Variants in MLLT3 observed in about 807,000 individuals in gnomAD.
MLLT3 encodes protein AF-9.
MLLT3 carries 4 observed loss-of-function variants against 53.2 expected under a neutral mutation model. The ratio of observed to expected loss-of-function variants is 0.08; its 90% confidence interval spans 0.04 to 0.17. MLLT3 has a LOEUF of 0.17. Ranked by LOEUF, MLLT3 falls within the 10% of genes least tolerant of loss-of-function variation. The probability of loss-of-function intolerance (pLI) is 1.00; values close to 1 mark genes in which losing one functional copy is unlikely to be tolerated. For synonymous variants in MLLT3, 283 were observed against 230.6 expected, an observed-to-expected ratio of 1.23 and a Z score of -2.06; for missense variants, 569 against 684.0, an observed-to-expected ratio of 0.83 and a Z score of 1.87.
chr9:20,592,364 C>T (rs1463764948), intron 2 of MLLT3, among the ~76,000 whole-genome samples: 1 of 152,208 alleles, frequency 6.6e-6, no homozygotes, highest in African/African-American at 2.4e-5. Context: ...TCTGGAGGCT[C>T]TAAGTCCAAG....
In MLLT3 at chr9:20,345,878, T is replaced by G. The variant is rs1161949152; in HGVS notation, c.*565A>C. ...ACAGACTGCAACGAGTTAAAGGACT[T>G]GGAAAAAGTTGGTGGAAAGTGGCAC... On this transcript the variant is annotated 3_prime_UTR_variant, in exon 11 of 11. Transcript: ENST00000380338. 2.2e-5 allele frequency: 5 copies of G among 229,306 alleles called. No homozygotes were observed. The allele number at this position is 229,306 out of a possible 1,614,324, so 14.2% of individuals were successfully genotyped here.
At chr9:20,615,415 G>C (rs1457747536) in intron 2 of MLLT3, among the ~76,000 whole-genome samples, 1 of 125,602 alleles carries the variant, frequency 8.0e-6, no homozygotes, top group African/African-American at 2.9e-5. Context: ...AGTAATAGTA[G>C]CTATAAAATA....
chr9:20,387,743 T>C (rs1350499569), intron 5 of MLLT3, among the ~76,000 whole-genome samples: 1 of 152,214 alleles, frequency 6.6e-6, no homozygotes, highest in Non-Finnish European at 1.5e-5. Context: ...ATAGTTCCTT[T>C]GATATGGCAA....
intron 5 of MLLT3, among the ~76,000 whole-genome samples, chr9:20,408,234 T>C (rs1400560626): frequency 2.0e-5 from 3 of 152,054 alleles, no homozygotes; most frequent in Non-Finnish European, 4.4e-5. Context: ...CTGGCCCTAG[T>C]ATGTACTGAA....
chr9:20,516,923 T>C (rs759764352), intron 2 of MLLT3, among the ~76,000 whole-genome samples: 1 of 152,242 alleles, frequency 6.6e-6, no homozygotes, highest in Non-Finnish European at 1.5e-5. Flanking sequence ...TTCAGTAATA[T>C]GCTAGAAATT....
intron 2 of MLLT3, among the ~76,000 whole-genome samples, chr9:20,603,365 C>T (rs2775264): frequency 0.42 from 63,350 of 151,806 alleles, 13,700 homozygotes; most frequent in Middle Eastern, 0.5. Flanking sequence ...ATCTGGCACC[C>T]GCAACTTAGT....
intron 2 of MLLT3, among the ~76,000 whole-genome samples, chr9:20,492,347 T>TA (rs1445811947): frequency 1.3e-5 from 2 of 151,956 alleles, no homozygotes; most frequent in Non-Finnish European, 2.9e-5. Context: ...AAAAAGAACT[T>TA]ACAGATAGTT....
chr9:20,553,425 C>T (rs927281329), intron 2 of MLLT3, among the ~76,000 whole-genome samples: 5 of 152,062 alleles, frequency 3.3e-5, no homozygotes, highest in Non-Finnish European at 4.4e-5. Flanking sequence ...GTGTTAGGTG[C>T]CCAGGACATG....
chr9:20,397,098 T>A (rs1822339536), intron 5 of MLLT3, among the ~76,000 whole-genome samples: 1 of 152,180 alleles, frequency 6.6e-6, no homozygotes, highest in Non-Finnish European at 1.5e-5. Flanking sequence ...TCTACGATCA[T>A]CATTTATGAG....
At chr9:20,399,810 C>T (rs1822410774) in intron 5 of MLLT3, among the ~76,000 whole-genome samples, 6 of 151,982 alleles carry the variant, frequency 3.9e-5, no homozygotes. Context: ...GCTAGGGTAC[C>T]AAAGTCATTC....
At chr9:20,587,887 T>G (rs994629416) in intron 2 of MLLT3, among the ~76,000 whole-genome samples, 2 of 152,164 alleles carry the variant, frequency 1.3e-5, no homozygotes, top group African/African-American at 4.8e-5. Flanking sequence ...TGACATTGCT[T>G]TTGGTGTTTT....
At chr9:20,531,167 C>G (rs1174081020) in intron 2 of MLLT3, among the ~76,000 whole-genome samples, 1 of 130,848 alleles carries the variant, frequency 7.6e-6, no homozygotes, top group African/African-American at 2.9e-5. Flanking sequence ...CATAGTCTTG[C>G]TCTTGTCACC....
At position 20,353,730 on chromosome 9, in the gene MLLT3, G is replaced by A. The variant is rs993518476; in HGVS notation, c.1504-134C>T. 6 of 717,148 alleles carry A rather than the reference G, an allele frequency of 8.4e-6. No homozygotes were observed. In the South Asian group the frequency reaches 8.4e-5, roughly 10 times the overall value. The allele number at this position is 717,148 out of a possible 1,614,324, so 44.4% of individuals were successfully genotyped here. On this transcript the variant is annotated intron_variant, in intron 9 of 10. Coordinates refer to ENST00000380338, the MANE Select transcript of MLLT3 (RefSeq NM_004529.4). ...ATTACACCACTCTAGCCCAGGCTGT[G>A]TGCACTCAGTGCCCAAAGGCCTCTG...
chr9:20,538,212 T>G (rs1563807323), intron 2 of MLLT3, among the ~76,000 whole-genome samples: 1 of 152,226 alleles, frequency 6.6e-6, no homozygotes, highest in South Asian at 2.1e-4. Flanking sequence ...ATATACCACA[T>G]TGAAATAGCA....
intron 2 of MLLT3, among the ~76,000 whole-genome samples, chr9:20,576,648 G>A (rs1300447759): frequency 6.6e-6 from 1 of 151,988 alleles, no homozygotes; most frequent in African/African-American, 2.4e-5. Flanking sequence ...ACGCTTCATG[G>A]CAACACAAAA....
intron 2 of MLLT3, among the ~76,000 whole-genome samples, chr9:20,556,921 C>G (rs1819073740): frequency 6.6e-6 from 1 of 151,962 alleles, no homozygotes; most frequent in Non-Finnish European, 1.5e-5. Context: ...TTGAAACAAC[C>G]TAAGTTATAA....
At chr9:20,398,117 T>A (rs750372168) in intron 5 of MLLT3, among the ~76,000 whole-genome samples, 4 of 152,140 alleles carry the variant, frequency 2.6e-5, no homozygotes, top group African/African-American at 4.8e-5. Flanking sequence ...AATTTTTTTT[T>A]ATTTTTAGAC....
chr9:20,521,911 A>G (rs989119174), intron 2 of MLLT3, among the ~76,000 whole-genome samples: 1 of 152,196 alleles, frequency 6.6e-6, no homozygotes, highest in Non-Finnish European at 1.5e-5. Flanking sequence ...AAGAAGAGGA[A>G]AGAATGAAGA....
intron 2 of MLLT3, among the ~76,000 whole-genome samples, chr9:20,578,304 T>A (rs748061972): frequency 3.9e-5 from 6 of 152,188 alleles, no homozygotes; most frequent in Non-Finnish European, 8.8e-5. Flanking sequence ...TGAATCACTC[T>A]GAACTAACAT....
Sources: gnomAD v4.1 joint callset for allele counts (sites outside exome capture counted in the v4.1 genomes callset) on GRCh38, gnomAD v4.1.1 for gene constraint, MANE v1.5 for transcripts, NCBI Gene and HGNC (gene_info 2026-07-23, HGNC 2026-07-21) for gene names.